SNX17: variants seen among roughly 807,000 people sequenced by gnomAD.
SNX17 encodes sorting nexin-17.
Under a neutral mutation model 64.3 loss-of-function variants are expected in SNX17, and 35 were observed. The observed-to-expected ratio is 0.54, with a 90% CI of 0.42 to 0.72. The LOEUF (loss-of-function observed/expected upper bound fraction) is 0.72. Ranked by LOEUF, SNX17 falls within the 30% of genes least tolerant of loss-of-function variation. SNX17 has a pLI of 0.00. For missense variants in SNX17, 538 were observed against 610.0 expected, an observed-to-expected ratio of 0.88 and a Z score of 1.24; for synonymous variants, 259 against 230.2, an observed-to-expected ratio of 1.13 and a Z score of -1.13.
At position 27,376,176 on chromosome 2, in the gene SNX17, T is replaced by A. The variant is rs1300234525; in HGVS notation, c.1175T>A (p.Ile392Asn). The part of the protein sequence containing the change: ...ELMVKKSGGS[I>N]RKMLRRRVGG... ...ATGGTGAAGAAATCTGGCGGCAGTA[T>A]CAGGAAGGTAGGCAGCAAGTGTGGA... Residue 392 changes from isoleucine to asparagine, a missense_variant, in exon 12 of 15, where the codon ATC (isoleucine) becomes AAC (asparagine). Physicochemically the swap from Ile to Asn is moderately radical, Grantham distance 149. Around this residue, in one of 3 missense-constraint regions of SNX17, gnomAD observed 505 missense variants for 550.4 expected, o/e 0.92. Transcript: ENST00000233575. The A allele has an allele frequency of 6.2e-7, 1 of 1,614,058 alleles. No homozygotes were observed. The highest frequency in any genetic ancestry group is 1.1e-5 in the South Asian group (1 of 91,078).
At chr2:27,371,667 T>A (rs1682568753) in intron 2 of SNX17, 4 of 239,496 alleles carry the variant, frequency 1.7e-5, no homozygotes, top group Non-Finnish European at 1.6e-5. Context: ...ACATTCCTTC[T>A]GTCATCTGAG....
rs1437161928 is a variant in SNX17 at position 27,375,877 on chromosome 2, C to CAGGCCG, written c.1011_1016dup (p.Arg341_Gly342dup). On this transcript the variant is annotated inframe_insertion, in exon 11 of 15. Coordinates refer to ENST00000233575, the MANE Select transcript of SNX17 (RefSeq NM_014748.4). The surrounding 1 kb of genome is among the most constrained non-coding windows in gnomAD (Gnocchi z 4.1). Reference sequence around the variant, plus strand: ...TTGCCCAGTGGAAGCACGAGCAGCCCAGGCCGGGGCCGGGGTGAGGTGCGC... The same window carrying CAGGCCG: ...TTGCCCAGTGGAAGCACGAGCAGCCCAGGCCGAGGCCGGGGCCGGGGTGAGGTGCGC... 5 of 1,613,912 alleles carry CAGGCCG rather than the reference C, an allele frequency of 3.1e-6. No homozygotes were observed. Among genetic ancestry groups the CAGGCCG allele is most frequent in the East Asian group, 4.5e-5 (2 of 44,890 alleles).
intron 3 of SNX17, chr2:27,372,981 G>A: frequency 6.9e-7 from 1 of 1,450,594 alleles, no homozygotes; most frequent in Non-Finnish European, 9.5e-7. Context: ...TAATATCAGT[G>A]GAGAGAACTT....
intron 7 of SNX17, 73 bp downstream of exon 7, chr2:27,374,506 A>C: frequency 7.0e-7 from 1 of 1,426,180 alleles, no homozygotes; most frequent in Non-Finnish European, 9.9e-7. Context: ...ACATATTGAG[A>C]CAGAATAATC....
intron 14 of SNX17, 21 bp from the exon 15 acceptor site, chr2:27,376,585 C>G (rs768535278): frequency 6.2e-7 from 1 of 1,614,090 alleles, no homozygotes; most frequent in South Asian, 1.1e-5. Context: ...GATCTCTGAC[C>G]CCACCCTGCC....
intron 8 of SNX17, 93 bp downstream of exon 8, chr2:27,374,851 A>T (rs1474973534): frequency 2.4e-6 from 3 of 1,251,886 alleles, no homozygotes; most frequent in Non-Finnish European, 3.5e-6. Flanking sequence ...TTTGTTCCCA[A>T]TTTGTGGGGA....
Position 27,377,472 on chromosome 2 carries a change from G to T in SNX17, c.*753G>T. On this transcript the variant is annotated 3_prime_UTR_variant, in exon 15 of 15. Coordinates refer to ENST00000233575, the MANE Select transcript of SNX17 (RefSeq NM_014748.4). This position sits in a 1 kb window ranked among gnomAD's most constrained non-coding sequence, Gnocchi z 4.4. Reference sequence around the variant, plus strand: ...TAGTGCCTACGTTAGTCTGTGTGGAGCCCCTGGCCAGCGGGGGAGAAAAAG... The same window carrying T: ...TAGTGCCTACGTTAGTCTGTGTGGATCCCCTGGCCAGCGGGGGAGAAAAAG... 6.6e-7 allele frequency: 1 copy of T among 1,512,284 alleles called. No homozygotes were observed. The highest frequency in any genetic ancestry group is 9.1e-7 in the Non-Finnish European group (1 of 1,094,020). The allele number at this position is 1,512,284 out of a possible 1,614,324, so 93.7% of individuals were successfully genotyped here.
rs769882139 is a variant in SNX17 at position 27,371,359 on chromosome 2, C to T, written c.138+16C>T. The stretch of plus-strand genomic sequence containing the variant: ...GCACGAGCAGGTGGGACTAGCACCC[C>T]TGCCTTGAGACAGCTTCAAGCCCTT... On this transcript the variant is annotated intron_variant, in intron 2 of 14. Coordinates refer to ENST00000233575, the MANE Select transcript of SNX17 (RefSeq NM_014748.4). 1.2e-5 allele frequency: 20 copies of T among 1,605,934 alleles called. No individual in the cohort carries two copies. The South Asian group carries it at 2.2e-4, about 18-fold the overall frequency.
chr2:27,374,666 C>G, intron 7 of SNX17, 23 bp from the exon 8 acceptor site: 1 of 1,613,052 alleles, frequency 6.2e-7, no homozygotes, highest in Middle Eastern at 1.7e-4. Context: ...CCCATTACCC[C>G]TTTCCACCCC....
rs764427201 is a variant in SNX17, at chr2:27,373,935, C to T, written c.396C>T (p.Asn132=). 18 of 1,614,076 alleles carry T rather than the reference C, an allele frequency of 1.1e-5. No homozygotes were observed. Among genetic ancestry groups the T allele is most frequent in the African/African-American group, 4.0e-5 (3 of 74,944 alleles). Residue 132 remains asparagine (N), a synonymous_variant, in exon 5 of 15, where the codon AAC becomes AAT. Transcript: ENST00000233575. ...GCAACGGGCAGAAAGTTCTGGTCAA[C>T]GTGCTAACTTCAGATCAGACTGAGG... The part of the protein sequence containing the change: ...LLSNGQKVLV[N]VLTSDQTEDV...
Position 27,370,796 on chromosome 2 carries a change from C to T in SNX17, c.53C>T (p.Ser18Phe), listed in dbSNP as rs751219837. Reference sequence around the variant, plus strand: ...TCCCGCAGCGGGGACAGCGGCGGCTCCGCCTACGTGGTGAGGAGCGGCCGG... The same window carrying T: ...TCCCGCAGCGGGGACAGCGGCGGCTTCGCCTACGTGGTGAGGAGCGGCCGG... Reference protein sequence around the residue: ...TESRSGDSGGSAYVAYNIHVN... With the variant: ...TESRSGDSGGFAYVAYNIHVN... The change falls in exon 1 of 15, where the codon TCC (serine) becomes TTC (phenylalanine). Residue 18 changes from serine (S) to phenylalanine (F), a missense_variant. Coordinates refer to ENST00000233575, the MANE Select transcript of SNX17 (RefSeq NM_014748.4). 4 of 1,544,846 alleles carry T rather than the reference C, an allele frequency of 2.6e-6. No individual in the cohort carries two copies. Among genetic ancestry groups the T allele is most frequent in the South Asian group, 2.4e-5 (2 of 83,940 alleles).
At chr2:27,373,524 G>A (rs1682850936) in intron 4 of SNX17, 2 of 566,896 alleles carry the variant, frequency 3.5e-6, no homozygotes, top group Non-Finnish European at 3.1e-6. Context: ...CACCATGTCC[G>A]GCTCATTTTT....
chr2:27,376,197 G>A lies in SNX17; in HGVS notation c.1182+14G>A, dbSNP rs1280470688. The A allele has an allele frequency of 4.3e-6, 7 of 1,614,022 alleles. No individual in the cohort carries two copies. The Admixed American group carries it at 8.3e-5, about 19-fold the overall frequency. ...AGTATCAGGAAGGTAGGCAGCAAGTGTGGACTGAGCAGTGAGCAGGTGTGC... is the reference window on the plus strand; with the variant it reads ...AGTATCAGGAAGGTAGGCAGCAAGTATGGACTGAGCAGTGAGCAGGTGTGC... On this transcript the variant is annotated intron_variant, in intron 12 of 14. Transcript: ENST00000233575.
At position 27,376,598 on chromosome 2, in the gene SNX17, T is replaced by C; in HGVS notation, c.1300-8T>C. The C allele has an allele frequency of 6.2e-7, 1 of 1,614,208 alleles. No homozygotes were observed. Among genetic ancestry groups the C allele is most frequent in the South Asian group, 1.1e-5 (1 of 91,088 alleles). ...AAGATCTCTGACCCCACCCTGCCTTTGTTACAGAGTAAGCTGAGTGCCGTG... is the reference window on the plus strand; with the variant it reads ...AAGATCTCTGACCCCACCCTGCCTTCGTTACAGAGTAAGCTGAGTGCCGTG... On this transcript the variant is annotated splice_region_variant and splice_polypyrimidine_tract_variant and intron_variant, in intron 14 of 14. Transcript: ENST00000233575.
At position 27,375,589 on chromosome 2, in the gene SNX17, T is replaced by C; in HGVS notation, c.858T>C (p.Cys286=). 1 of 1,614,196 alleles carries C rather than the reference T, an allele frequency of 6.2e-7. No individual in the cohort carries two copies. Among genetic ancestry groups the C allele is most frequent in the Non-Finnish European group, 8.5e-7 (1 of 1,180,030 alleles). ...TGGCTGACTTCCCAGAAAAGGACTG[T>C]CCTGTGGTGGTGAGCGCGGGCAACA... is the stretch of plus-strand genomic sequence containing the variant. The part of the protein sequence containing the change: ...ACVADFPEKD[C]PVVVSAGNSE... The change falls in exon 10 of 15, where the codon TGT becomes TGC. Residue 286 remains cysteine, a synonymous_variant. Coordinates refer to ENST00000233575, the MANE Select transcript of SNX17 (RefSeq NM_014748.4). The surrounding 1 kb of genome is among the most constrained non-coding windows in gnomAD (Gnocchi z 4.1).
At chr2:27,373,144 C>A (rs1682810078) in intron 3 of SNX17, 103 bp from the exon 4 acceptor site, 2 of 1,604,278 alleles carry the variant, frequency 1.2e-6, no homozygotes, top group East Asian at 4.5e-5. Context: ...TGGCAGGCCA[C>A]CATCAGCCCA....
chr2:27,370,770 G>A lies in SNX17; in HGVS notation c.27G>A (p.Glu9=). ...TGCACTTTTCCATTCCCGAAACCGA[G>A]TCCCGCAGCGGGGACAGCGGCGGCT... The part of the protein sequence containing the change: MHFSIPET[E]SRSGDSGGSA... Residue 9 remains glutamate (E), a synonymous_variant, in exon 1 of 15, where the codon GAG becomes GAA. Coordinates refer to ENST00000233575, the MANE Select transcript of SNX17 (RefSeq NM_014748.4). 6.5e-7 allele frequency: 1 copy of A among 1,548,252 alleles called. No individual in the cohort carries two copies. The highest frequency in any genetic ancestry group is 8.7e-7 in the Non-Finnish European group (1 of 1,146,588).
Position 27,375,902 on chromosome 2 carries a change from C to T in SNX17, c.1035C>T (p.Arg345=). 1.2e-6 allele frequency: 2 copies of T among 1,614,176 alleles called. No homozygotes were observed. Among genetic ancestry groups the T allele is most frequent in the Non-Finnish European group, 1.7e-6 (2 of 1,180,032 alleles). The change falls in exon 11 of 15, where the codon CGC becomes CGT. Residue 345 remains arginine, a synonymous_variant. Coordinates refer to ENST00000233575, the MANE Select transcript of SNX17 (RefSeq NM_014748.4). This position sits in a 1 kb window ranked among gnomAD's most constrained non-coding sequence, Gnocchi z 4.1. ...CAGGCCGGGGCCGGGGTGAGGTGCG[C>T]CTGGAACTGGCTTTTGAATACCTCA... ...SSPGRGRGEV[R]LELAFEYLMS... is the part of the protein sequence containing the mutation.
In SNX17 at chr2:27,372,665, C is replaced by A; in HGVS notation, c.181C>A (p.Pro61Thr). ...YGANVLPAFP[P>T]KKLFSLTPAE... ...GGCCAATGTGCTTCCTGCATTCCCC[C>A]CAAAGAAGCTTTTCTCTCTGACTCC... Residue 61 changes from proline to threonine, a missense_variant, in exon 3 of 15, where the codon CCA (proline) becomes ACA (threonine). Physicochemically the swap from Pro to Thr is conservative, Grantham distance 38. Around this residue, in one of 3 missense-constraint regions of SNX17, gnomAD observed 505 missense variants for 550.4 expected, o/e 0.92. Transcript: ENST00000233575. 1 of 1,614,156 alleles carries A rather than the reference C, an allele frequency of 6.2e-7. No homozygotes were observed. Among genetic ancestry groups the A allele is most frequent in the Non-Finnish European group, 8.5e-7 (1 of 1,180,006 alleles).
Sources: allele counts gnomAD v4.1 joint callset, GRCh38; gene constraint gnomAD v4.1.1; regional missense constraint gnomAD v4.1.1; non-coding constraint Gnocchi (gnomAD v3.1); transcripts MANE v1.5; gene names NCBI Gene and HGNC (gene_info 2026-07-23, HGNC 2026-07-21).